Variants in FRMPD1 observed in about 807,000 individuals in gnomAD.
FRMPD1 encodes FERM and PDZ domain containing 1, also known as FERM and PDZ domain-containing protein 1.
Under a neutral mutation model 117.8 loss-of-function variants are expected in FRMPD1, and 76 were observed. That is an observed-to-expected ratio of 0.65 (90% CI 0.54 to 0.78). The LOEUF is 0.78. Among genes scored for constraint, FRMPD1 ranks in the 30% least tolerant of loss-of-function variants. The pLI is 0.00. For missense variants in FRMPD1, 1,786 were observed against 1,964.5 expected, an observed-to-expected ratio of 0.91 and a Z score of 1.72; for synonymous variants, 783 against 770.4, an observed-to-expected ratio of 1.02 and a Z score of -0.27.
chr9:37,733,015 C>T (rs1563956669), intron 10 of FRMPD1, among the ~76,000 whole-genome samples: 1 of 152,130 alleles, frequency 6.6e-6, no homozygotes, highest in Non-Finnish European at 1.5e-5. Context: ...TCCAATCTCT[C>T]GCAGCAGGGC....
At chr9:37,685,627 A>G (rs558732485) in intron 1 of FRMPD1, among the ~76,000 whole-genome samples, 130 of 152,080 alleles carry the variant, frequency 8.5e-4, no homozygotes, top group African/African-American at 1.7e-3. Context: ...ACTACAGCCT[A>G]GGCGAGAAAG....
intron 1 of FRMPD1, among the ~76,000 whole-genome samples, chr9:37,677,445 AGCTGCTGTCATT>A (rs1233732989): frequency 6.6e-6 from 1 of 152,250 alleles, no homozygotes; most frequent in African/African-American, 2.4e-5. Context: ...ATAACATCAT[AGCTGCTGTCATT>A]GAGGACTTTC....
chr9:37,669,021 A>G (rs536272295), intron 1 of FRMPD1, among the ~76,000 whole-genome samples: 12 of 152,262 alleles, frequency 7.9e-5, no homozygotes, highest in African/African-American at 2.9e-4. Context: ...AGATGGTGCA[A>G]TGATGTCCTG....
the FRMPD1 span, among the ~76,000 whole-genome samples, chr9:37,640,228 T>C: frequency 4.6e-5 from 7 of 152,186 alleles, no homozygotes; most frequent in Non-Finnish European, 8.8e-5. Flanking sequence ...TGTTAAGGGA[T>C]TATGGTTCAG....
the FRMPD1 span, among the ~76,000 whole-genome samples, chr9:37,642,950 G>T: frequency 6.6e-6 from 1 of 151,968 alleles, no homozygotes; most frequent in Non-Finnish European, 1.5e-5. Context: ...TGGAGTACTT[G>T]GGCTTTTTAA....
chr9:37,657,374 A>G (rs1465701734), intron 1 of FRMPD1, among the ~76,000 whole-genome samples: 1 of 152,234 alleles, frequency 6.6e-6, no homozygotes, highest in Non-Finnish European at 1.5e-5. Flanking sequence ...ATGCAAAAGG[A>G]AAAACAATTA....
chr9:37,685,369 C>G (rs545713588), intron 1 of FRMPD1, among the ~76,000 whole-genome samples: 1 of 151,976 alleles, frequency 6.6e-6, no homozygotes, highest in Non-Finnish European at 1.5e-5. Flanking sequence ...TTCGGCTGGG[C>G]GCAGTGGCTC....
rs1467817826 is a variant in FRMPD1 at position 37,745,656 on chromosome 9, T to C, written c.3624T>C (p.Pro1208=). 1.9e-6 allele frequency: 3 copies of C among 1,614,070 alleles called. No homozygotes were observed. Among genetic ancestry groups the C allele is most frequent in the East Asian group, 4.5e-5 (2 of 44,888 alleles). The change falls in exon 16 of 16, where the codon CCT becomes CCC. Residue 1208 remains proline, a synonymous_variant. Transcript: ENST00000377765. ...TATTCGTAGAGTTGGATTTAGACCC[T>C]GATTTCTTTCTTGGGAAGCAGACAG... ...QKLFVELDLD[P]DFFLGKQTVS... is the part of the protein sequence containing the mutation.
At chr9:37,728,486 T>A (rs991407004) in intron 7 of FRMPD1, among the ~76,000 whole-genome samples, 1 of 152,162 alleles carries the variant, frequency 6.6e-6, no homozygotes, top group African/African-American at 2.4e-5. Flanking sequence ...GGGAACAGCA[T>A]GTGCGAATGC....
intron 5 of FRMPD1, chr9:37,715,524 G>C: frequency 2.4e-6 from 1 of 415,556 alleles, no homozygotes; most frequent in South Asian, 1.8e-5. Flanking sequence ...TTAACTCTTA[G>C]TTCAGCGAAA....
intron 5 of FRMPD1, among the ~76,000 whole-genome samples, chr9:37,716,035 C>T (rs1588951746): frequency 6.6e-6 from 1 of 152,150 alleles, no homozygotes; most frequent in East Asian, 1.9e-4. Context: ...GGACAAGAGT[C>T]CAATTTTATG....
intron 1 of FRMPD1, among the ~76,000 whole-genome samples, chr9:37,688,817 C>A (rs560559785): frequency 3.9e-5 from 6 of 151,992 alleles, no homozygotes; most frequent in African/African-American, 1.2e-4. Context: ...CATGTGTAAG[C>A]ATAAAAAATG....
the FRMPD1 span, among the ~76,000 whole-genome samples, chr9:37,623,869 T>C: frequency 4.0e-5 from 6 of 151,338 alleles, no homozygotes; most frequent in Non-Finnish European, 1.5e-5. Context: ...ACATTAATTA[T>C]TAAAAGGAAA....
chr9:37,687,271 C>T (rs1821983491), intron 1 of FRMPD1, among the ~76,000 whole-genome samples: 1 of 152,208 alleles, frequency 6.6e-6, no homozygotes, highest in Non-Finnish European at 1.5e-5. Flanking sequence ...ATTCCAGAAT[C>T]ATGTGGAATA....
At chr9:37,612,710 T>C in the FRMPD1 span, among the ~76,000 whole-genome samples, 1 of 152,180 alleles carries the variant, frequency 6.6e-6, no homozygotes, top group African/African-American at 2.4e-5. Context: ...CAGGCTGGTC[T>C]CGAACTCCTG....
Position 37,744,886 on chromosome 9 carries a change from A to G in FRMPD1, c.2854A>G (p.Asn952Asp). The change falls in exon 16 of 16, where the codon AAT (asparagine) becomes GAT (aspartate). Residue 952 changes from asparagine (N) to aspartate (D), a missense_variant. By Grantham distance (23) the Asn-to-Asp change is conservative. Transcript: ENST00000377765. Reference sequence around the variant, plus strand: ...CATTCGCTTCCGGATTGACCCCAACAATAAAGAGAATTCTGGTGTTGTCCC... The same window carrying G: ...CATTCGCTTCCGGATTGACCCCAACGATAAAGAGAATTCTGGTGTTGTCCC... ...SAIRFRIDPN[N>D]KENSGVVPAA... is the part of the protein sequence containing the mutation. The G allele has an allele frequency of 6.2e-7, 1 of 1,614,100 alleles. No individual in the cohort carries two copies. Among genetic ancestry groups the G allele is most frequent in the Non-Finnish European group, 8.5e-7 (1 of 1,179,980 alleles).
At chr9:37,672,611 TAGTCAC>T (rs1410696352) in intron 1 of FRMPD1, among the ~76,000 whole-genome samples, 1 of 152,188 alleles carries the variant, frequency 6.6e-6, no homozygotes, top group Non-Finnish European at 1.5e-5. Context: ...AACCTGCCCA[TAGTCAC>T]AGATCTAGCA....
At chr9:37,693,103 G>GAC (rs1397713466) in intron 2 of FRMPD1, 3 of 183,182 alleles carry the variant, frequency 1.6e-5, no homozygotes, top group Non-Finnish European at 3.5e-5. Context: ...ATCTCTCTCT[G>GAC]ACACACACAC....
chr9:37,672,550 T>C (rs1821388867), intron 1 of FRMPD1, among the ~76,000 whole-genome samples: 1 of 152,216 alleles, frequency 6.6e-6, no homozygotes, highest in Non-Finnish European at 1.5e-5. Context: ...GTAGGTACTG[T>C]TGTTACTGGC....
Sources: gnomAD v4.1 joint callset for allele counts (sites outside exome capture counted in the v4.1 genomes callset) on GRCh38, gnomAD v4.1.1 for gene constraint, MANE v1.5 for transcripts, NCBI Gene and HGNC (gene_info 2026-07-23, HGNC 2026-07-21) for gene names.